The following KCNH5 variants were observed in gnomAD, a reference collection of about 807,000 sequenced individuals.
KCNH5 encodes the protein potassium voltage-gated channel subfamily H member 5.
Under a neutral mutation model 96.1 loss-of-function variants are expected in KCNH5, and 46 were observed. The ratio of observed to expected loss-of-function variants is 0.48; its 90% CI spans 0.38 to 0.61. KCNH5 has a LOEUF of 0.61. KCNH5 is among the 20% of genes least tolerant of loss of function. The pLI, the probability that KCNH5 is intolerant of heterozygous loss-of-function variation, is 0.00. For missense variants in KCNH5, 907 were observed against 1,225.8 expected (o/e 0.74, Z 3.88); for synonymous variants, 439 against 449.8 (o/e 0.98, Z 0.30).
At chr14:62,940,305 A>AGTC (rs1889763292) in intron 7 of KCNH5, among the ~76,000 whole-genome samples, 1 of 152,004 alleles carries the variant, frequency 6.6e-6, no homozygotes, top group South Asian at 2.1e-4. Context: ...AGCCTAAGAT[A>AGTC]GTCACTATCT....
chr14:63,018,910 G>C (rs1891377125), intron 1 of KCNH5, among the ~76,000 whole-genome samples: 1 of 151,978 alleles, frequency 6.6e-6, no homozygotes, highest in Non-Finnish European at 1.5e-5. Context: ...GGTAAACACA[G>C]AAATAATGCA....
chr14:62,817,086 TATATATTATATATAATTATATATGACATA>T (rs1170166434), intron 8 of KCNH5, among the ~76,000 whole-genome samples: 2 of 139,866 alleles, frequency 1.4e-5, no homozygotes, highest in Admixed American at 1.6e-4. Flanking sequence ...ATATATATAT[TATATATTATATATAATTATATATGACATA>T]ATATATTTAT....
chr14:62,987,336 T>G (rs1318580023), intron 4 of KCNH5, 149 bp from the exon 5 acceptor site: 2 of 627,264 alleles, frequency 3.2e-6, no homozygotes, highest in Non-Finnish European at 5.6e-6. Flanking sequence ...TCCTTCTGTA[T>G]AGACATGCTC....
At chr14:62,799,793 A>G (rs1189983525) in intron 9 of KCNH5, among the ~76,000 whole-genome samples, 1 of 138,502 alleles carries the variant, frequency 7.2e-6, no homozygotes, top group Non-Finnish European at 1.5e-5. Flanking sequence ...TATATTTAAT[A>G]TATTATATAT....
At chr14:63,027,131 G>A (rs1258138731) in intron 1 of KCNH5, among the ~76,000 whole-genome samples, 2 of 146,870 alleles carry the variant, frequency 1.4e-5, no homozygotes, top group Non-Finnish European at 3.0e-5. Flanking sequence ...ACTTACATGT[G>A]CAATGTAAAA....
chr14:62,904,041 G>A (rs1223544438), intron 7 of KCNH5, among the ~76,000 whole-genome samples: 2 of 152,026 alleles, frequency 1.3e-5, no homozygotes, highest in Non-Finnish European at 1.5e-5. Context: ...TTTCCAATAT[G>A]TCAGAAATTA....
At chr14:62,741,667 A>C (rs1885273801) in intron 10 of KCNH5, among the ~76,000 whole-genome samples, 1 of 152,082 alleles carries the variant, frequency 6.6e-6, no homozygotes, top group Non-Finnish European at 1.5e-5. Flanking sequence ...AGAGTGAGGA[A>C]GAAATTTTGG....
chr14:62,742,878 A>T (rs965958193), intron 10 of KCNH5, among the ~76,000 whole-genome samples: 14 of 152,144 alleles, frequency 9.2e-5, no homozygotes, highest in Non-Finnish European at 1.8e-4. Flanking sequence ...CACTTCAGAG[A>T]TACTGAATCG....
At chr14:63,008,334 T>C (rs912055767) in intron 2 of KCNH5, among the ~76,000 whole-genome samples, 2 of 152,266 alleles carry the variant, frequency 1.3e-5, no homozygotes, top group East Asian at 3.9e-4. Flanking sequence ...AGCTTCATTA[T>C]AGGCTCACAG....
At chr14:63,032,214 G>A (rs559906954) in intron 1 of KCNH5, among the ~76,000 whole-genome samples, 16 of 152,042 alleles carry the variant, frequency 1.1e-4, no homozygotes, top group African/African-American at 3.6e-4. Context: ...TTCTAACTTT[G>A]GAGAAGGACA....
At chr14:62,855,788 G>T (rs1038808448) in intron 7 of KCNH5, among the ~76,000 whole-genome samples, 1 of 152,050 alleles carries the variant, frequency 6.6e-6, no homozygotes, top group African/African-American at 2.4e-5. Context: ...TTATCAAAAA[G>T]AGACAGGTCA....
At chr14:63,023,882 G>T (rs901057286) in intron 1 of KCNH5, among the ~76,000 whole-genome samples, 23 of 152,132 alleles carry the variant, frequency 1.5e-4, no homozygotes. Flanking sequence ...GAACCAATGG[G>T]TCAAGGAAGA....
intron 6 of KCNH5, among the ~76,000 whole-genome samples, chr14:62,979,987 G>T (rs182316494): frequency 6.6e-6 from 1 of 152,300 alleles, no homozygotes; most frequent in African/African-American, 2.4e-5. Context: ...GAGGTGATTA[G>T]ATTATGGGGG....
chr14:62,979,970 C>T (rs1240887338), intron 6 of KCNH5, among the ~76,000 whole-genome samples: 1 of 152,170 alleles, frequency 6.6e-6, no homozygotes, highest in Non-Finnish European at 1.5e-5. Context: ...AGAGAGGGAC[C>T]TGGTGAGAGG....
At chr14:63,041,484 G>A (rs1891823265) in intron 1 of KCNH5, among the ~76,000 whole-genome samples, 1 of 152,024 alleles carries the variant, frequency 6.6e-6, no homozygotes, top group South Asian at 2.1e-4. Flanking sequence ...CCTTACTAAT[G>A]GCTTATTTTG....
intron 8 of KCNH5, among the ~76,000 whole-genome samples, chr14:62,839,931 G>T (rs10047887): frequency 0.11 from 16,373 of 151,840 alleles, 1,111 homozygotes; most frequent in East Asian, 0.29. Context: ...CAACTTAAAT[G>T]CAGTCTCTCC....
At chr14:62,903,252 C>T (rs1279024068) in intron 7 of KCNH5, among the ~76,000 whole-genome samples, 5 of 152,144 alleles carry the variant, frequency 3.3e-5, no homozygotes, top group Admixed American at 3.3e-4. Context: ...AAACCACAAC[C>T]TTCACCACTA....
chr14:62,955,747 G>A (rs1300982705), intron 6 of KCNH5, among the ~76,000 whole-genome samples: 2 of 152,180 alleles, frequency 1.3e-5, no homozygotes, highest in African/African-American at 4.8e-5. Flanking sequence ...TGGCCACGCA[G>A]TAGGGGTCCG....
chr14:62,814,387 C>T (rs1395546505), intron 8 of KCNH5, among the ~76,000 whole-genome samples: 1 of 152,086 alleles, frequency 6.6e-6, no homozygotes, highest in Non-Finnish European at 1.5e-5. Context: ...TACTGTCTTA[C>T]AGGCAGATAT....
Sources: gnomAD v4.1 joint callset for allele counts (sites outside exome capture counted in the v4.1 genomes callset) on GRCh38, gnomAD v4.1.1 for gene constraint, MANE v1.5 for transcripts, NCBI Gene and HGNC (gene_info 2026-07-23, HGNC 2026-07-21) for gene names.